Variants in RCOR1 observed in about 807,000 individuals in gnomAD.
RCOR1 encodes REST corepressor 1, also known as REST corepressor.
A neutral mutation model predicts 64.0 loss-of-function variants in RCOR1; 12 were observed. That is an observed-to-expected ratio of 0.19 (90% CI 0.12 to 0.30). The LOEUF (loss-of-function observed/expected upper bound fraction) is 0.30. Among genes scored for constraint, RCOR1 ranks in the 10% least tolerant of loss-of-function variants. The probability of loss-of-function intolerance (pLI) is 1.00; values close to 1 mark genes in which losing one functional copy is unlikely to be tolerated. For synonymous variants in RCOR1, 279 were observed against 227.2 expected, an observed-to-expected ratio of 1.23 and a Z score of -2.05; for missense variants, 502 against 621.2, an observed-to-expected ratio of 0.81 and a Z score of 2.04.
intron 4 of RCOR1, among the ~76,000 whole-genome samples, chr14:102,703,975 G>T (rs554847710): frequency 6.6e-6 from 1 of 152,298 alleles, no homozygotes; most frequent in African/African-American, 2.4e-5. Flanking sequence ...GGAACTCATG[G>T]CTCCCATTTT....
chr14:102,690,023 G>A (rs896429466), intron 3 of RCOR1, among the ~76,000 whole-genome samples: 8 of 151,932 alleles, frequency 5.3e-5, no homozygotes, highest in Non-Finnish European at 8.8e-5. Context: ...GATTACAGGC[G>A]TGAGTCACCG....
At position 102,650,152 on chromosome 14, in the gene RCOR1, C is replaced by T. The variant is rs60163592; in HGVS notation, c.362-31743C>T. On this transcript the variant is annotated intron_variant, in intron 2 of 11. Transcript: ENST00000262241. ...GGTGCAGCTTGCAGGGAGCCGAGAT[C>T]GCACCACTGCACTCCAGCCTGGGCG... Among the ~76,000 whole-genome samples, 501 of 147,238 alleles carry T rather than the reference C, an allele frequency of 3.4e-3. 8 individuals are homozygous for T. Among genetic ancestry groups the T allele is most frequent in the African/African-American group, 0.012 (481 of 39,514 alleles).
At chr14:102,610,413 T>G (rs957551686) in intron 2 of RCOR1, among the ~76,000 whole-genome samples, 8 of 152,052 alleles carry the variant, frequency 5.3e-5, no homozygotes, top group Non-Finnish European at 1.2e-4. Flanking sequence ...CTAGGCACAT[T>G]TTAGATATTC....
chr14:102,597,669 CTA>C (rs112672863), intron 2 of RCOR1, among the ~76,000 whole-genome samples: 5 of 73,224 alleles, frequency 6.8e-5, no homozygotes, highest in African/African-American at 2.8e-4. Context: ...TGGAGTCTTT[CTA>C]TGTTGCCCAG....
Position 102,729,359 on chromosome 14 carries a change from C to T in RCOR1, c.*2853C>T, listed in dbSNP as rs552247404. ...GACTGGTCTGCAACAGTGATCCATT[C>T]TGTAATATAGCTCTTTTAACTGGGA... On this transcript the variant is annotated 3_prime_UTR_variant, in exon 12 of 12. Coordinates refer to ENST00000262241, the MANE Select transcript of RCOR1 (RefSeq NM_015156.4). The T allele has an allele frequency of 4.9e-4, 75 of 152,984 alleles. No homozygotes were observed. The highest frequency in any genetic ancestry group is 7.6e-4 in the Non-Finnish European group (52 of 68,210). The allele number at this position is 152,984 out of a possible 1,614,324, so 9.5% of individuals were successfully genotyped here.
At chr14:102,632,620 TTTCCTTTCCTTTCC>T (rs1894139392) in intron 2 of RCOR1, among the ~76,000 whole-genome samples, 1 of 32,904 alleles carries the variant, frequency 3.0e-5, no homozygotes, top group African/African-American at 1.4e-4. Flanking sequence ...TATCCTTTCC[TTTCCTTTCCTTTCC>T]TTTCCTTTCC....
chr14:102,613,351 C>T (rs982651520), intron 2 of RCOR1, among the ~76,000 whole-genome samples: 1 of 151,854 alleles, frequency 6.6e-6, no homozygotes, highest in African/African-American at 2.4e-5. Flanking sequence ...GTCCGCCATT[C>T]TCAGCCTCCC....
intron 2 of RCOR1, among the ~76,000 whole-genome samples, chr14:102,645,691 A>G (rs1177253132): frequency 6.6e-6 from 1 of 152,208 alleles, no homozygotes; most frequent in African/African-American, 2.4e-5. Flanking sequence ...TTGCTGCCTG[A>G]AAAATGACCC....
intron 2 of RCOR1, among the ~76,000 whole-genome samples, chr14:102,620,292 G>T (rs1489762198): frequency 6.6e-6 from 1 of 152,156 alleles, no homozygotes; most frequent in Non-Finnish European, 1.5e-5. Context: ...TCGCGGCGGG[G>T]TGCGGTGGCT....
At chr14:102,653,176 C>T (rs1383060836) in intron 2 of RCOR1, among the ~76,000 whole-genome samples, 3 of 152,078 alleles carry the variant, frequency 2.0e-5, no homozygotes, top group African/African-American at 7.2e-5. Context: ...CCTGCCTCGG[C>T]CTCCCAAAGT....
intron 8 of RCOR1, among the ~76,000 whole-genome samples, chr14:102,715,611 G>T (rs934986713): frequency 4.0e-5 from 6 of 150,622 alleles, no homozygotes; most frequent in African/African-American, 1.2e-4. Context: ...TTGAACTCCT[G>T]AGCTCAAGTG....
rs537122423 is a variant in RCOR1 at position 102,675,964 on chromosome 14, TC to T, written c.362-5929del. On this transcript the variant is annotated intron_variant, in intron 2 of 11. Coordinates refer to ENST00000262241, the MANE Select transcript of RCOR1 (RefSeq NM_015156.4). ...CACTATTTTTGTTGCTGTGTACTGTTCCAGTATATGGATGTACTACAGTTGG... is the reference window on the plus strand; with the variant it reads ...CACTATTTTTGTTGCTGTGTACTGTTCAGTATATGGATGTACTACAGTTGG... Among the ~76,000 whole-genome samples the T allele has an allele frequency of 7.7e-4, 117 of 152,320 alleles. 1 individual carries two copies. Among genetic ancestry groups the T allele is most frequent in the African/African-American group, 2.6e-3 (108 of 41,558 alleles).
intron 11 of RCOR1, among the ~76,000 whole-genome samples, chr14:102,724,013 T>A (rs1216725654): frequency 6.6e-6 from 1 of 152,172 alleles, no homozygotes; most frequent in Non-Finnish European, 1.5e-5. Context: ...GTTGACTGAC[T>A]TAAGTGAGTC....
At chr14:102,713,649 A>G (rs1896005500) in intron 7 of RCOR1, among the ~76,000 whole-genome samples, 1 of 152,232 alleles carries the variant, frequency 6.6e-6, no homozygotes, top group African/African-American at 2.4e-5. Context: ...GGTGATCTTT[A>G]TTAAACATCG....
chr14:102,674,647 A>T (rs1895102026), intron 2 of RCOR1, among the ~76,000 whole-genome samples: 1 of 152,200 alleles, frequency 6.6e-6, no homozygotes, highest in Non-Finnish European at 1.5e-5. Context: ...GAACCACTGT[A>T]CAGCCCTACT....
rs372017030 is a variant in RCOR1 at position 102,615,563 on chromosome 14, C to T, written c.361+22238C>T. Among the ~76,000 whole-genome samples the T allele has an allele frequency of 2.6e-5, 4 of 151,488 alleles. No individual in the cohort carries two copies. In the East Asian group the frequency reaches 5.8e-4, roughly 22 times the overall value. ...TCCTGGATTCAAGCAATTCTCCTGC[C>T]TCAGCCTCCCAAGTAGCTGGGATTA... On this transcript the variant is annotated intron_variant, in intron 2 of 11. Coordinates refer to ENST00000262241, the MANE Select transcript of RCOR1 (RefSeq NM_015156.4).
At chr14:102,723,573 T>C (rs1459408677) in intron 11 of RCOR1, among the ~76,000 whole-genome samples, 1 of 152,244 alleles carries the variant, frequency 6.6e-6, no homozygotes, top group Non-Finnish European at 1.5e-5. Context: ...ATCACCCCCA[T>C]GCATAGCTCT....
chr14:102,618,214 G>A (rs1893803276), intron 2 of RCOR1, among the ~76,000 whole-genome samples: 1 of 150,774 alleles, frequency 6.6e-6, no homozygotes, highest in Non-Finnish European at 1.5e-5. Context: ...AGCTCAGGTG[G>A]ATCCCCCCTG....
At chr14:102,593,439 C>T (rs764589984) in intron 2 of RCOR1, 114 bp downstream of exon 2, 10 of 1,144,346 alleles carry the variant, frequency 8.7e-6, no homozygotes, top group Admixed American at 3.6e-5. Context: ...GTTCGCCCTG[C>T]CGTCCGTGGG....
Sources: gnomAD v4.1 joint callset for allele counts (sites outside exome capture counted in the v4.1 genomes callset) on GRCh38, gnomAD v4.1.1 for gene constraint, MANE v1.5 for transcripts, NCBI Gene and HGNC (gene_info 2026-07-23, HGNC 2026-07-21) for gene names.